The following PAAF1 variants were observed in gnomAD, a reference collection of about 807,000 sequenced individuals.
PAAF1 encodes proteasomal ATPase associated factor 1, also known as proteasomal ATPase-associated factor 1.
PAAF1 carries 46 observed loss-of-function variants against 52.8 expected under a neutral mutation model. That is an observed-to-expected ratio of 0.87 (90% CI 0.69 to 1.11). The LOEUF is 1.11. Among genes scored for constraint, PAAF1 ranks in the 50% most tolerant of loss-of-function variants. The probability of loss-of-function intolerance (pLI) is 0.00; values close to 1 mark genes in which losing one functional copy is unlikely to be tolerated. For synonymous variants in PAAF1, 178 were observed against 172.8 expected, an observed-to-expected ratio of 1.03 and a Z score of -0.24; for missense variants, 424 against 477.4, an observed-to-expected ratio of 0.89 and a Z score of 1.04.
chr11:73,914,479 G>T lies in PAAF1; in HGVS notation c.794G>T (p.Cys265Phe). ...GCCCGGGAAGATAAGAAACTTCAGT[G>T]CTTGGGACTACAGAGCAGGCAGCTG... ...LLAREDKKLQ[C>F]LGLQSRQLVF... Residue 265 changes from cysteine (C) to phenylalanine (F), a missense_variant, in exon 8 of 12, where the codon TGC (cysteine) becomes TTC (phenylalanine). Coordinates refer to ENST00000310571, the MANE Select transcript of PAAF1 (RefSeq NM_025155.3). 6.2e-7 allele frequency: 1 copy of T among 1,614,038 alleles called. No individual in the cohort carries two copies. Among genetic ancestry groups the T allele is most frequent in the East Asian group, 2.2e-5 (1 of 44,868 alleles).
intron 1 of PAAF1, among the ~76,000 whole-genome samples, chr11:73,878,322 A>G (rs1396088655): frequency 6.6e-6 from 1 of 152,218 alleles, no homozygotes; most frequent in Non-Finnish European, 1.5e-5. Flanking sequence ...TCTGTCTTAA[A>G]TGCATAGACC....
intron 6 of PAAF1, among the ~76,000 whole-genome samples, chr11:73,904,680 ACG>A (rs1365070226): frequency 6.6e-6 from 1 of 152,118 alleles, no homozygotes; most frequent in Non-Finnish European, 1.5e-5. Context: ...TTTCCCATAT[ACG>A]CATGTATGTA....
intron 8 of PAAF1, among the ~76,000 whole-genome samples, chr11:73,915,983 G>GT (rs1950052252): frequency 1.3e-5 from 2 of 151,824 alleles, no homozygotes; most frequent in Non-Finnish European, 2.9e-5. Context: ...TGTTTATTTT[G>GT]TTTTTTGCCT....
intron 10 of PAAF1, among the ~76,000 whole-genome samples, chr11:73,919,479 T>C (rs1195981516): frequency 6.6e-6 from 1 of 152,158 alleles, no homozygotes; most frequent in African/African-American, 2.4e-5. Flanking sequence ...CCACTGGAGA[T>C]GTAAAGAGGG....
intron 4 of PAAF1, among the ~76,000 whole-genome samples, chr11:73,898,243 AGGG>A (rs1949486455): frequency 1.4e-5 from 2 of 143,706 alleles, no homozygotes; most frequent in Admixed American, 6.8e-5. Context: ...GGAGAGGGAG[AGGG>A]AGAAGGAGAG....
At chr11:73,925,212 T>C (rs548860215) in intron 11 of PAAF1, among the ~76,000 whole-genome samples, 2 of 149,360 alleles carry the variant, frequency 1.3e-5, no homozygotes, top group African/African-American at 4.9e-5. Context: ...ACCCCAGCAC[T>C]TTTGGAGGCT....
intron 3 of PAAF1, among the ~76,000 whole-genome samples, chr11:73,889,823 T>G (rs142243386): frequency 6.6e-6 from 1 of 152,284 alleles, no homozygotes; most frequent in African/African-American, 2.4e-5. Context: ...ATCACACAGT[T>G]AGAAGCAAAA....
intron 8 of PAAF1, among the ~76,000 whole-genome samples, 170 bp from the exon 9 acceptor site, chr11:73,916,375 A>G (rs1206745945): frequency 6.6e-6 from 1 of 152,206 alleles, no homozygotes; most frequent in East Asian, 1.9e-4. Context: ...TCCTGGGAGT[A>G]CTTCCTTCTC....
intron 1 of PAAF1, chr11:73,877,397 C>T (rs1182365392): frequency 4.7e-6 from 1 of 211,804 alleles, no homozygotes; most frequent in African/African-American, 2.3e-5. Flanking sequence ...TCAGTTACTT[C>T]CAGAAGTCTC....
intron 11 of PAAF1, among the ~76,000 whole-genome samples, chr11:73,926,406 C>A (rs1172061420): frequency 1.3e-5 from 2 of 150,826 alleles, no homozygotes; most frequent in Non-Finnish European, 3.0e-5. Flanking sequence ...CCATCTATTT[C>A]ATTTTTAAAA....
chr11:73,915,265 TTA>T (rs1401345289), intron 8 of PAAF1, among the ~76,000 whole-genome samples: 1 of 152,170 alleles, frequency 6.6e-6, no homozygotes, highest in African/African-American at 2.4e-5. Flanking sequence ...TAGATTTTCT[TTA>T]TGAGTCCTGC....
chr11:73,883,855 T>A (rs1473036624), intron 2 of PAAF1, among the ~76,000 whole-genome samples: 1 of 152,200 alleles, frequency 6.6e-6, no homozygotes, highest in Non-Finnish European at 1.5e-5. Flanking sequence ...TTCCTTTTTG[T>A]GGCCCGGTAA....
At chr11:73,925,286 C>G (rs115178552) in intron 11 of PAAF1, among the ~76,000 whole-genome samples, 1,964 of 151,802 alleles carry the variant, frequency 0.013, 39 homozygotes, top group African/African-American at 0.045. Context: ...ATGAGACCCC[C>G]GTCTCTACAA....
chr11:73,898,569 C>A (rs1385935419), intron 4 of PAAF1, among the ~76,000 whole-genome samples: 1 of 152,098 alleles, frequency 6.6e-6, no homozygotes, highest in Non-Finnish European at 1.5e-5. Flanking sequence ...ATAATCCCAG[C>A]ACTCTGGGAG....
chr11:73,893,075 C>T (rs1949241733), intron 4 of PAAF1, among the ~76,000 whole-genome samples: 2 of 152,244 alleles, frequency 1.3e-5, no homozygotes, highest in South Asian at 4.1e-4. Context: ...TTTAATTTAA[C>T]AGTTTTATAT....
Position 73,877,039 on chromosome 11 carries a change from G to A in PAAF1, c.18G>A (p.Arg6=), listed in dbSNP as rs1948760094. ...GGGTCGAGATGGCGGCGCCTTTGAG[G>A]ATTCAGAGCGACTGGGCGCAAGCCC... MAAPL[R]IQSDWAQALR... Residue 6 remains arginine (R), a synonymous_variant, in exon 1 of 12, where the codon AGG becomes AGA. Coordinates refer to ENST00000310571, the MANE Select transcript of PAAF1 (RefSeq NM_025155.3). 6.5e-7 allele frequency: 1 copy of A among 1,535,608 alleles called. No homozygotes were observed. The highest frequency in any genetic ancestry group is 1.4e-5 in the African/African-American group (1 of 72,536).
Position 73,927,762 on chromosome 11 carries a change from T to C in PAAF1, c.*400T>C, listed in dbSNP as rs1333811450. 5.7e-6 allele frequency: 1 copy of C among 173,952 alleles called. No individual in the cohort carries two copies. Among genetic ancestry groups the C allele is most frequent in the East Asian group, 1.6e-4 (1 of 6,362 alleles). The allele number at this position is 173,952 out of a possible 1,614,324, so 10.8% of individuals were successfully genotyped here. A position where few individuals can be genotyped will look rare whatever the true frequency, so the allele number is the denominator to read the frequency against. The stretch of plus-strand genomic sequence containing the variant: ...TATGAAGAACTTTGTTAAATACTCT[T>C]ACTCCAGCAAAAAGTTGGTCAGGAC... On this transcript the variant is annotated 3_prime_UTR_variant, in exon 12 of 12. Coordinates refer to ENST00000310571, the MANE Select transcript of PAAF1 (RefSeq NM_025155.3).
At chr11:73,898,020 A>C (rs947199125) in intron 4 of PAAF1, among the ~76,000 whole-genome samples, 1 of 152,158 alleles carries the variant, frequency 6.6e-6, no homozygotes, top group Non-Finnish European at 1.5e-5. Flanking sequence ...GTCTCCACCA[A>C]AAAAACACGA....
intron 3 of PAAF1, among the ~76,000 whole-genome samples, chr11:73,888,307 G>T (rs997704762): frequency 6.6e-6 from 1 of 152,120 alleles, no homozygotes; most frequent in African/African-American, 2.4e-5. Context: ...GTTCTCAGTT[G>T]CCTGATACGG....
Sources: allele counts gnomAD v4.1 joint callset (sites outside exome capture counted in the v4.1 genomes callset), GRCh38; gene constraint gnomAD v4.1.1; transcripts MANE v1.5; gene names NCBI Gene and HGNC (gene_info 2026-07-23, HGNC 2026-07-21).